FAAH2: variants seen among roughly 807,000 people sequenced by gnomAD.
FAAH2 encodes the protein fatty acid amide hydrolase 2.
A neutral mutation model predicts 36.9 loss-of-function variants in FAAH2; 60 were observed. That is an observed-to-expected ratio of 1.63 (90% CI 1.32 to 2.02). The LOEUF (loss-of-function observed/expected upper bound fraction) is 2.02. Among genes scored for constraint, FAAH2 ranks in the 30% most tolerant of loss-of-function variants. The pLI is 0.00. For synonymous variants in FAAH2, 214 were observed against 143.8 expected (o/e 1.49, Z -3.49); for missense variants, 689 against 397.5 (o/e 1.73, Z -6.23).
chrX:57,180,762 T>C, the FAAH2 span, among the ~76,000 whole-genome samples: 1 of 110,935 alleles, frequency 9.0e-6, no homozygotes, highest in South Asian at 3.8e-4. Flanking sequence ...ATAAGGAAGG[T>C]CTCCTCCCCA....
At chrX:57,263,960 C>T in the FAAH2 span, among the ~76,000 whole-genome samples, 1 of 111,514 alleles carries the variant, frequency 9.0e-6, no homozygotes, top group Non-Finnish European at 1.9e-5. Context: ...GTCTTTTAAA[C>T]ACATGGTTTT....
chrX:57,323,522 T>A (rs1373322056), intron 3 of FAAH2, among the ~76,000 whole-genome samples: 2 of 111,392 alleles, frequency 1.8e-5, no homozygotes, highest in Non-Finnish European at 3.8e-5. Flanking sequence ...AATGATTGCC[T>A]TTCTAACTGG....
At chrX:57,269,473 G>A in the FAAH2 span, among the ~76,000 whole-genome samples, 1 of 111,631 alleles carries the variant, frequency 9.0e-6, no homozygotes, top group Non-Finnish European at 1.9e-5. Context: ...TGTATAATTA[G>A]ATGTAAACCT....
intron 7 of FAAH2, among the ~76,000 whole-genome samples, chrX:57,405,636 G>A (rs1321722490): frequency 1.9e-5 from 2 of 105,491 alleles, no homozygotes; most frequent in African/African-American, 3.5e-5. Flanking sequence ...AAAATAGGAG[G>A]GGGCCCAAGG....
At chrX:57,257,656 C>G in the FAAH2 span, among the ~76,000 whole-genome samples, 1 of 110,172 alleles carries the variant, frequency 9.1e-6, no homozygotes, top group African/African-American at 3.3e-5. Context: ...AAAAACTGCA[C>G]ATTCTGCATA....
the FAAH2 span, among the ~76,000 whole-genome samples, chrX:57,238,879 T>C: frequency 8.9e-6 from 1 of 111,990 alleles, no homozygotes. Context: ...TTCCCATTTA[T>C]ATGCAGTGTT....
chrX:57,301,743 C>T (rs1269443041), intron 2 of FAAH2, among the ~76,000 whole-genome samples: 1 of 111,037 alleles, frequency 9.0e-6, no homozygotes, highest in Admixed American at 9.6e-5. Context: ...TTCAACATTG[C>T]ATAGTCATTT....
chrX:57,216,609 C>CGTATATATATAT, the FAAH2 span, among the ~76,000 whole-genome samples: 19 of 46,952 alleles, frequency 4.0e-4, 3 homozygotes, highest in African/African-American at 1.2e-3. Context: ...TATATATATA[C>CGTATATATATAT]GTATATATAT....
At chrX:57,124,263 C>T in the FAAH2 span, among the ~76,000 whole-genome samples, 2 of 111,645 alleles carry the variant, frequency 1.8e-5, no homozygotes, top group Non-Finnish European at 3.8e-5. Context: ...AATAGGGAAT[C>T]CTTTCCCCAT....
At chrX:57,450,786 A>T (rs1298566924) in intron 10 of FAAH2, among the ~76,000 whole-genome samples, 1 of 111,197 alleles carries the variant, frequency 9.0e-6, no homozygotes, top group Non-Finnish European at 1.9e-5. Context: ...GGATGGTTGG[A>T]AGGATATAAT....
chrX:57,330,302 G>T (rs952091042), intron 3 of FAAH2, among the ~76,000 whole-genome samples: 1 of 111,381 alleles, frequency 9.0e-6, no homozygotes, highest in African/African-American at 3.3e-5. Context: ...GCCCCGTTGG[G>T]TGTGGCCGTC....
At chrX:57,422,974 A>T (rs747314247) in intron 7 of FAAH2, among the ~76,000 whole-genome samples, 1 of 112,193 alleles carries the variant, frequency 8.9e-6, no homozygotes, top group Non-Finnish European at 1.9e-5. Context: ...TTTGTGAGTG[A>T]GTCACCAGTG....
At chrX:57,166,038 G>C in the FAAH2 span, among the ~76,000 whole-genome samples, 1 of 110,914 alleles carries the variant, frequency 9.0e-6, no homozygotes, top group Non-Finnish European at 1.9e-5. Context: ...GTTGAGAGGA[G>C]CAGAGTAATG....
chrX:57,438,899 G>A lies in FAAH2; in HGVS notation c.1116+6862G>A, dbSNP rs764758103. On this transcript the variant is annotated intron_variant, in intron 8 of 10. Coordinates refer to ENST00000374900, the MANE Select transcript of FAAH2 (RefSeq NM_174912.4). ...AGTTTGCTGAGAATGATGGTTTCCA[G>A]TTTCATCCATGTCCCTACAAAGGAC... Among the ~76,000 whole-genome samples, 19 of 109,369 alleles carry A rather than the reference G, an allele frequency of 1.7e-4. No homozygotes were observed. The South Asian group carries it at 6.0e-3, about 35-fold the overall frequency. 95.0% of individuals were successfully genotyped at this position (109,369 alleles called of 115,157 possible).
At chrX:57,416,533 C>T (rs1244977887) in intron 7 of FAAH2, among the ~76,000 whole-genome samples, 1 of 111,921 alleles carries the variant, frequency 8.9e-6, no homozygotes, top group Non-Finnish European at 1.9e-5. Flanking sequence ...AAATTATTTT[C>T]TTTAAGAATG....
intron 7 of FAAH2, among the ~76,000 whole-genome samples, chrX:57,414,658 G>T (rs1278486836): frequency 9.0e-6 from 1 of 111,122 alleles, no homozygotes; most frequent in East Asian, 2.8e-4. Context: ...ATTAATGAAG[G>T]ATATTTGCCT....
In FAAH2 at chrX:57,306,240, G is replaced by C. The variant is rs149252250; in HGVS notation, c.276-4353G>C. On this transcript the variant is annotated intron_variant, in intron 2 of 10. Coordinates refer to ENST00000374900, the MANE Select transcript of FAAH2 (RefSeq NM_174912.4). ...TTCCCCAAGTAGACAGTATGTATCT[G>C]CAAGGCCCCCAGAATGTGTAACACT... 4.7e-3 allele frequency among the ~76,000 whole-genome samples: 530 copies of C among 111,710 alleles called. 3 individuals are homozygous for C. Among genetic ancestry groups the C allele is most frequent in the African/African-American group, 0.016 (501 of 30,817 alleles).
At chrX:57,331,241 G>A (rs1428760716) in intron 3 of FAAH2, among the ~76,000 whole-genome samples, 9 of 111,509 alleles carry the variant, frequency 8.1e-5, no homozygotes, top group African/African-American at 1.6e-4. Context: ...GTGGTCAAGG[G>A]TATTTTTCCT....
the FAAH2 span, among the ~76,000 whole-genome samples, chrX:57,188,845 A>G: frequency 9.0e-6 from 1 of 110,969 alleles, no homozygotes; most frequent in Non-Finnish European, 1.9e-5. Context: ...ACCTTCGAGA[A>G]TCTGATAATT....
Sources: allele counts gnomAD v4.1 joint callset (sites outside exome capture counted in the v4.1 genomes callset), GRCh38; gene constraint gnomAD v4.1.1; transcripts MANE v1.5; gene names NCBI Gene and HGNC (gene_info 2026-07-23, HGNC 2026-07-21).